The following INTS6 variants were observed in gnomAD, a reference collection of about 807,000 sequenced individuals.
INTS6 encodes DEAD box protein.
Under a neutral mutation model 104.9 loss-of-function variants are expected in INTS6, and 16 were observed. That is an observed-to-expected ratio of 0.15 (90% CI 0.10 to 0.23). The LOEUF is 0.23. INTS6 is among the 10% of genes least tolerant of loss of function. The probability of loss-of-function intolerance (pLI) is 1.00; values close to 1 mark genes in which losing one functional copy is unlikely to be tolerated. For missense variants in INTS6, 584 were observed against 1,062.8 expected, an observed-to-expected ratio of 0.55 and a Z score of 6.26; for synonymous variants, 324 against 358.7, an observed-to-expected ratio of 0.90 and a Z score of 1.09.
downstream of INTS6, among the ~76,000 whole-genome samples, chr13:51,350,840 T>C (rs1013271730): frequency 2.6e-5 from 4 of 152,114 alleles, no homozygotes; most frequent in Non-Finnish European, 4.4e-5. Context: ...TTGCTCTCAA[T>C]AGATTTGCCT....
chr13:51,393,370 G>T (rs1448282413), intron 5 of INTS6, among the ~76,000 whole-genome samples: 5 of 152,106 alleles, frequency 3.3e-5, no homozygotes, highest in South Asian at 2.1e-4. Flanking sequence ...GAGCCACCGC[G>T]CCCGGCCAAC....
chr13:51,430,942 T>C (rs1192265023), intron 3 of INTS6, among the ~76,000 whole-genome samples: 1 of 152,040 alleles, frequency 6.6e-6, no homozygotes, highest in Non-Finnish European at 1.5e-5. Flanking sequence ...CAGTACAAGA[T>C]GAAAAGTTAA....
intron 3 of INTS6, among the ~76,000 whole-genome samples, chr13:51,434,417 G>A (rs1957149351): frequency 6.6e-6 from 1 of 151,946 alleles, no homozygotes; most frequent in Non-Finnish European, 1.5e-5. Flanking sequence ...GTCAGATAAA[G>A]ATCAAACATA....
rs12584058 is a variant in INTS6, at chr13:51,375,764, T to C, written c.1729+284A>G. Among the ~76,000 whole-genome samples, 212 of 150,944 alleles carry C rather than the reference T, an allele frequency of 1.4e-3. 2 individuals carry two copies. Among genetic ancestry groups the C allele is most frequent in the Middle Eastern group, 6.8e-3 (2 of 292 alleles). On this transcript the variant is annotated intron_variant, in intron 13 of 17. Coordinates refer to ENST00000311234, the MANE Select transcript of INTS6 (RefSeq NM_012141.3). The stretch of plus-strand genomic sequence containing the variant: ...GTGTGTGTGTGTGTGTGTGTGTGTG[T>C]GTGCGCGCGCGTGCGCGCATGAATG...
At chr13:51,350,085 C>A (rs1955389961), downstream of INTS6, among the ~76,000 whole-genome samples, 1 of 152,104 alleles carries the variant, frequency 6.6e-6, no homozygotes, top group South Asian at 2.1e-4. Flanking sequence ...ACTCATTCTT[C>A]TTTTAGTATG....
At chr13:51,385,669 T>C (rs1476504717) in intron 7 of INTS6, among the ~76,000 whole-genome samples, 1 of 152,188 alleles carries the variant, frequency 6.6e-6, no homozygotes, top group Non-Finnish European at 1.5e-5. Flanking sequence ...ATCTTGTAAA[T>C]TACACTTAAC....
At chr13:51,408,439 C>A (rs1213784130) in intron 4 of INTS6, among the ~76,000 whole-genome samples, 5 of 152,160 alleles carry the variant, frequency 3.3e-5, no homozygotes, top group Non-Finnish European at 7.3e-5. Context: ...GCCACTGCAC[C>A]CGGTCATTGA....
At position 51,364,531 on chromosome 13, in the gene INTS6, T is replaced by G; in HGVS notation, c.*1221A>C. On this transcript the variant is annotated 3_prime_UTR_variant, in exon 18 of 18. Transcript: ENST00000311234. ...CCCAAACCACTAAAAGGCACAGCAG[T>G]GATCATGAATGGTGAGTGAGTCAGG... 2 of 366,504 alleles carry G rather than the reference T, an allele frequency of 5.5e-6. No homozygotes were observed. Among genetic ancestry groups the G allele is most frequent in the Non-Finnish European group, 9.8e-6 (2 of 205,034 alleles). 22.7% of individuals were successfully genotyped at this position (366,504 alleles called of 1,614,324 possible). A position where few individuals can be genotyped will look rare whatever the true frequency, so the allele number is the denominator to read the frequency against.
At chr13:51,341,494 G>A in the INTS6 span, 13 of 802,030 alleles carry the variant, frequency 1.6e-5, no homozygotes, top group South Asian at 1.8e-4. Context: ...AGCTCACCCT[G>A]CTGCTCAGGC....
chr13:51,395,578 TCTC>T (rs1227741588), intron 4 of INTS6, 95 bp from the exon 5 acceptor site: 17 of 1,061,658 alleles, frequency 1.6e-5, no homozygotes, highest in Non-Finnish European at 2.2e-5. Context: ...CTGCATCAAC[TCTC>T]CTATCACTTG....
At chr13:51,385,213 C>T (rs1463213138) in intron 7 of INTS6, 1 of 153,512 alleles carries the variant, frequency 6.5e-6, no homozygotes, top group Non-Finnish European at 1.4e-5. Flanking sequence ...CCTCATACCC[C>T]TTCCCACTCT....
At chr13:51,437,323 A>T (rs1221857885) in intron 3 of INTS6, 1 of 152,170 alleles carries the variant, frequency 6.6e-6, no homozygotes, top group Non-Finnish European at 1.5e-5. Context: ...AGTCTGGTTA[A>T]ATCCCATCTT....
intron 3 of INTS6, chr13:51,442,141 AT>A (rs59665801): frequency 1.5e-3 from 205 of 133,506 alleles, no homozygotes; most frequent in Middle Eastern, 3.9e-3. Context: ...TTTGACCATG[AT>A]TTTTTTTTTT....
At chr13:51,412,442 G>A (rs139580618) in intron 4 of INTS6, among the ~76,000 whole-genome samples, 4 of 152,276 alleles carry the variant, frequency 2.6e-5, no homozygotes, top group Non-Finnish European at 5.9e-5. Context: ...ATTGTACCAT[G>A]CTGCCTCCTT....
chr13:51,400,866 A>G (rs1956424567), intron 4 of INTS6, among the ~76,000 whole-genome samples: 1 of 152,224 alleles, frequency 6.6e-6, no homozygotes, highest in Non-Finnish European at 1.5e-5. Context: ...CACACTATCA[A>G]TCTGCAATGT....
chr13:51,384,454 A>C, intron 7 of INTS6: 1 of 316,810 alleles, frequency 3.2e-6, no homozygotes, highest in South Asian at 2.6e-5. Flanking sequence ...TGTCATAGCT[A>C]TAAAGGACTC....
the INTS6 span, among the ~76,000 whole-genome samples, chr13:51,338,683 G>A: frequency 1.3e-5 from 2 of 152,216 alleles, no homozygotes; most frequent in African/African-American, 4.8e-5. Flanking sequence ...TGAATCTAAA[G>A]TAAAGATTTG....
chr13:51,404,373 C>T (rs1042148431), intron 4 of INTS6, among the ~76,000 whole-genome samples: 11 of 151,834 alleles, frequency 7.2e-5, no homozygotes, highest in African/African-American at 2.7e-4. Flanking sequence ...ATGTAAGTCA[C>T]GAGTCACAGA....
intron 5 of INTS6, among the ~76,000 whole-genome samples, chr13:51,393,355 G>A (rs190820720): frequency 2.4e-4 from 36 of 152,272 alleles, no homozygotes; most frequent in African/African-American, 7.7e-4. Flanking sequence ...TGGGATTACA[G>A]GCATGAGCCA....
Sources: allele counts gnomAD v4.1 joint callset (sites outside exome capture counted in the v4.1 genomes callset), GRCh38; gene constraint gnomAD v4.1.1; transcripts MANE v1.5; gene names NCBI Gene and HGNC (gene_info 2026-07-23, HGNC 2026-07-21).